The following JMJD1C variants were observed in gnomAD, a reference collection of about 807,000 sequenced individuals.
JMJD1C encodes the protein jumonji domain-containing protein 1C.
In JMJD1C, 31 loss-of-function variants were observed where a neutral mutation model predicts 245.3. The observed-to-expected ratio is 0.13, with a 90% CI of 0.09 to 0.17. The LOEUF (loss-of-function observed/expected upper bound fraction) is 0.17, where lower values mean the gene tolerates loss of function less well. Among genes scored for constraint, JMJD1C ranks in the 10% least tolerant of loss-of-function variants. The probability of loss-of-function intolerance (pLI) is 1.00; values close to 1 mark genes in which losing one functional copy is unlikely to be tolerated. For synonymous variants in JMJD1C, 1,057 were observed against 1,017.4 expected, an observed-to-expected ratio of 1.04 and a Z score of -0.74; for missense variants, 2,691 against 3,000.2, an observed-to-expected ratio of 0.90 and a Z score of 2.41.
chr10:63,464,405 G>A (rs1953034031), intron 1 of JMJD1C, among the ~76,000 whole-genome samples: 1 of 151,788 alleles, frequency 6.6e-6, no homozygotes. Context: ...ATATTACAAT[G>A]AATTTGGAAT....
At chr10:63,393,441 A>T (rs2134626793) in intron 1 of JMJD1C, among the ~76,000 whole-genome samples, 1 of 152,290 alleles carries the variant, frequency 6.6e-6, no homozygotes, top group East Asian at 1.9e-4. Context: ...TGTTGACGGG[A>T]ATATAAATTA....
chr10:63,270,474 T>C lies in JMJD1C; in HGVS notation c.334-5710A>G, dbSNP rs73292306. Among the ~76,000 whole-genome samples the C allele has an allele frequency of 3.2e-3, 459 of 141,798 alleles. 2 individuals carry two copies. The highest frequency in any genetic ancestry group is 0.011 in the African/African-American group (428 of 39,186). 93.0% of individuals were successfully genotyped at this position (141,798 alleles called of 152,430 possible). On this transcript the variant is annotated intron_variant, in intron 2 of 25. Transcript: ENST00000399262. ...GTGAGCCACTGTGTCCAGCCTCTTCTTTTTTTTTTTGAGACAGGATTTTGC... is the reference window on the plus strand; with the variant it reads ...GTGAGCCACTGTGTCCAGCCTCTTCCTTTTTTTTTTGAGACAGGATTTTGC...
intron 22 of JMJD1C, among the ~76,000 whole-genome samples, chr10:63,178,072 C>G (rs1036415071): frequency 6.6e-6 from 1 of 152,156 alleles, no homozygotes; most frequent in African/African-American, 2.4e-5. Flanking sequence ...TCTCAAGTAG[C>G]TGGGACTACA....
intron 3 of JMJD1C, among the ~76,000 whole-genome samples, chr10:63,229,416 AAAAAAAACAAAC>A (rs1362206244): frequency 1.3e-5 from 2 of 152,058 alleles, no homozygotes; most frequent in Non-Finnish European, 2.9e-5. Context: ...CAGCAGTTTA[AAAAAAAACAAAC>A]AAAAAAACAG....
At chr10:63,240,277 A>G (rs1012275852) in intron 3 of JMJD1C, among the ~76,000 whole-genome samples, 2 of 151,288 alleles carry the variant, frequency 1.3e-5, no homozygotes, top group Non-Finnish European at 2.9e-5. Flanking sequence ...AATAAGGAGC[A>G]CTACAAAAAA....
chr10:63,462,238 T>C (rs2133095018), intron 1 of JMJD1C, among the ~76,000 whole-genome samples: 1 of 152,302 alleles, frequency 6.6e-6, no homozygotes, highest in Admixed American at 6.5e-5. Flanking sequence ...TTTTTAAAAG[T>C]TGACAAACTA....
intron 1 of JMJD1C, chr10:63,465,224 G>A (rs754314478): frequency 2.3e-5 from 9 of 396,598 alleles, no homozygotes; most frequent in Admixed American, 4.5e-5. Flanking sequence ...ACAGCGGGGA[G>A]CCGCGGTCGA....
At chr10:63,519,421 GTGAC>G (rs1420885444) in intron 1 of JMJD1C, among the ~76,000 whole-genome samples, 2 of 152,186 alleles carry the variant, frequency 1.3e-5, no homozygotes, top group African/African-American at 2.4e-5. Flanking sequence ...TGCCTAAAGA[GTGAC>G]TGTATTTCAC....
chr10:63,402,841 A>T (rs1948948947), intron 1 of JMJD1C, among the ~76,000 whole-genome samples: 1 of 152,194 alleles, frequency 6.6e-6, no homozygotes, highest in South Asian at 2.1e-4. Flanking sequence ...TTTAAAATTT[A>T]GCATTCCAGG....
intron 1 of JMJD1C, among the ~76,000 whole-genome samples, chr10:63,471,149 CA>C (rs1417778501): frequency 6.6e-6 from 1 of 152,124 alleles, no homozygotes; most frequent in Non-Finnish European, 1.5e-5. Flanking sequence ...GGTTAGGTTC[CA>C]AAAGGGTCGT....
chr10:63,359,627 A>C (rs1589576029), intron 2 of JMJD1C, among the ~76,000 whole-genome samples: 1 of 152,210 alleles, frequency 6.6e-6, no homozygotes, highest in South Asian at 2.1e-4. Flanking sequence ...GTCTCAGTAC[A>C]AGTTTTAACT....
At chr10:63,245,475 A>AAT (rs1289186904) in intron 3 of JMJD1C, among the ~76,000 whole-genome samples, 1 of 50,958 alleles carries the variant, frequency 2.0e-5, no homozygotes, top group African/African-American at 9.7e-5. Flanking sequence ...CTGCAGGGGA[A>AAT]CTCTTTTTTT....
intron 3 of JMJD1C, among the ~76,000 whole-genome samples, chr10:63,221,733 T>A (rs1325909888): frequency 2.0e-5 from 3 of 152,192 alleles, no homozygotes; most frequent in Non-Finnish European, 4.4e-5. Flanking sequence ...TTTGTTTTTG[T>A]TTTTTGAGAC....
At chr10:63,223,468 T>C (rs1848873828) in intron 3 of JMJD1C, among the ~76,000 whole-genome samples, 1 of 151,954 alleles carries the variant, frequency 6.6e-6, no homozygotes, top group Non-Finnish European at 1.5e-5. Context: ...ACTCAAGCGA[T>C]CTGCCCACCT....
intron 3 of JMJD1C, among the ~76,000 whole-genome samples, chr10:63,230,435 A>T (rs1199485398): frequency 6.6e-6 from 1 of 152,152 alleles, no homozygotes; most frequent in East Asian, 1.9e-4. Context: ...ATTCATTTTC[A>T]CAGCATCAAC....
chr10:63,450,193 G>A lies in JMJD1C; in HGVS notation c.168+15302C>T, dbSNP rs187963185. On this transcript the variant is annotated intron_variant, in intron 1 of 25. Transcript: ENST00000399262. ...AGTGTGAGAAAGGCAAAGAAACAAT[G>A]AAAGGCATCACAAAATAATTTTTTT... Among the ~76,000 whole-genome samples the A allele has an allele frequency of 3.8e-3, 573 of 152,048 alleles. 3 individuals carry two copies. The highest frequency in any genetic ancestry group is 5.6e-3 in the Non-Finnish European group (380 of 67,944).
chr10:63,223,615 A>G (rs533336283), intron 3 of JMJD1C, among the ~76,000 whole-genome samples: 2 of 152,350 alleles, frequency 1.3e-5, no homozygotes, highest in East Asian at 3.9e-4. Context: ...TTTACAACTT[A>G]TAACTCATTT....
intron 2 of JMJD1C, among the ~76,000 whole-genome samples, chr10:63,296,728 G>A (rs952142039): frequency 2.0e-5 from 3 of 152,186 alleles, no homozygotes; most frequent in African/African-American, 7.2e-5. Flanking sequence ...AGGCATATTT[G>A]CAATTACAGA....
intron 2 of JMJD1C, among the ~76,000 whole-genome samples, chr10:63,277,775 T>C (rs1381391702): frequency 2.9e-5 from 4 of 139,526 alleles, no homozygotes; most frequent in Admixed American, 1.5e-4. Flanking sequence ...TCTTGCTCTG[T>C]CTCCCAGGCT....
Sources: allele counts gnomAD v4.1 joint callset (sites outside exome capture counted in the v4.1 genomes callset), GRCh38; gene constraint gnomAD v4.1.1; transcripts MANE v1.5; gene names NCBI Gene and HGNC (gene_info 2026-07-23, HGNC 2026-07-21).